Variants in ROBO1 observed in about 807,000 individuals in gnomAD.
ROBO1 encodes the protein roundabout homolog 1.
ROBO1 carries 149 observed loss-of-function variants against 195.9 expected under a neutral mutation model. The observed-to-expected ratio is 0.76, with a 90% CI of 0.67 to 0.87. ROBO1 has a LOEUF of 0.87. ROBO1 is among the 40% of genes least tolerant of loss of function. The pLI, the probability that ROBO1 is intolerant of heterozygous loss-of-function variation, is 0.00. For missense variants in ROBO1, 1,933 were observed against 2,068.3 expected, an observed-to-expected ratio of 0.93 and a Z score of 1.27; for synonymous variants, 816 against 733.2, an observed-to-expected ratio of 1.11 and a Z score of -1.82.
At chr3:79,194,902 C>T (rs1192856869) in intron 2 of ROBO1, among the ~76,000 whole-genome samples, 1 of 151,492 alleles carries the variant, frequency 6.6e-6, no homozygotes, top group East Asian at 1.9e-4. Context: ...GTTTAATATG[C>T]TGAGTTATGA....
chr3:78,892,476 T>C lies in ROBO1; in HGVS notation c.499+46125A>G, dbSNP rs80274743. On this transcript the variant is annotated intron_variant, in intron 4 of 30. Transcript: ENST00000464233. ...AGTGATGTAATCACTGTAAGCAGCA[T>C]CTGAAATGGAAATAATATATGCTGC... Among the ~76,000 whole-genome samples the C allele has an allele frequency of 2.1e-3, 318 of 152,314 alleles. 1 individual carries two copies. The highest frequency in any genetic ancestry group is 7.3e-3 in the African/African-American group (302 of 41,568).
intron 1 of ROBO1, among the ~76,000 whole-genome samples, chr3:79,610,013 T>C (rs1003163943): frequency 1.3e-5 from 2 of 152,114 alleles, no homozygotes; most frequent in Non-Finnish European, 2.9e-5. Context: ...TTATGTTATA[T>C]ATATTTTATC....
At chr3:79,588,840 T>C (rs1943909224) in intron 2 of ROBO1, among the ~76,000 whole-genome samples, 1 of 151,734 alleles carries the variant, frequency 6.6e-6, no homozygotes, top group South Asian at 2.1e-4. Flanking sequence ...TTAACAGATA[T>C]ATAAATCATT....
chr3:78,723,920 C>G (rs1178567149), intron 5 of ROBO1, among the ~76,000 whole-genome samples: 1 of 152,034 alleles, frequency 6.6e-6, no homozygotes, highest in East Asian at 1.9e-4. Flanking sequence ...GTATACTCTC[C>G]CGCATAAATT....
chr3:78,635,046 C>T (rs1171020102), intron 23 of ROBO1, among the ~76,000 whole-genome samples: 1 of 152,072 alleles, frequency 6.6e-6, no homozygotes, highest in Non-Finnish European at 1.5e-5. Context: ...AGAGGTATAA[C>T]TTTGCAAATC....
chr3:78,894,444 G>T (rs2037111624), intron 4 of ROBO1, among the ~76,000 whole-genome samples: 1 of 152,042 alleles, frequency 6.6e-6, no homozygotes, highest in Admixed American at 6.6e-5. Context: ...TTAGATAAAA[G>T]ATACACTAAT....
chr3:78,969,821 T>C (rs1187542129), intron 3 of ROBO1, among the ~76,000 whole-genome samples: 2 of 152,140 alleles, frequency 1.3e-5, no homozygotes, highest in African/African-American at 4.8e-5. Flanking sequence ...CACATCAAAC[T>C]AAAAATAAAC....
chr3:79,463,637 G>A (rs1013335857), intron 2 of ROBO1, among the ~76,000 whole-genome samples: 1 of 152,058 alleles, frequency 6.6e-6, no homozygotes, highest in Non-Finnish European at 1.5e-5. Flanking sequence ...TCTGCTAACC[G>A]AAAAAGATGG....
intron 2 of ROBO1, among the ~76,000 whole-genome samples, chr3:79,213,305 A>C (rs575389734): frequency 6.6e-6 from 1 of 152,232 alleles, no homozygotes; most frequent in Non-Finnish European, 1.5e-5. Flanking sequence ...GCATATTGTG[A>C]ACATATCCAC....
chr3:78,935,498 A>G (rs573891352), intron 4 of ROBO1, among the ~76,000 whole-genome samples: 9 of 152,206 alleles, frequency 5.9e-5, no homozygotes, highest in Middle Eastern at 3.4e-3. Context: ...TGTGTTATCA[A>G]TTTGTGACAG....
At chr3:78,821,109 C>T (rs2030866172) in intron 4 of ROBO1, among the ~76,000 whole-genome samples, 2 of 149,994 alleles carry the variant, frequency 1.3e-5, no homozygotes, top group South Asian at 4.2e-4. Flanking sequence ...GGTGAAACTT[C>T]AAATTCTATT....
chr3:78,624,110 G>C (rs746088953), intron 26 of ROBO1, among the ~76,000 whole-genome samples: 1 of 152,062 alleles, frequency 6.6e-6, no homozygotes, highest in Admixed American at 6.6e-5. Flanking sequence ...AGATAACAAC[G>C]TGAAAAAATG....
At chr3:79,676,984 A>G (rs1175810149) in intron 1 of ROBO1, among the ~76,000 whole-genome samples, 1 of 151,996 alleles carries the variant, frequency 6.6e-6, no homozygotes, top group East Asian at 2.0e-4. Flanking sequence ...GATTGGGTAG[A>G]TATTTTTTCA....
intron 2 of ROBO1, among the ~76,000 whole-genome samples, chr3:79,366,395 T>C (rs892224073): frequency 3.3e-5 from 5 of 152,142 alleles, no homozygotes; most frequent in African/African-American, 1.2e-4. Flanking sequence ...ACCATGAAAC[T>C]ACTTAAAAGA....
chr3:79,338,707 T>TA (rs201460254), intron 2 of ROBO1, among the ~76,000 whole-genome samples: 15 of 151,600 alleles, frequency 9.9e-5, no homozygotes, highest in Middle Eastern at 3.4e-3. Flanking sequence ...TCTCAAATTC[T>TA]AAAAAAAAAC....
chr3:79,303,159 G>GTTTTTTTTTTTTT (rs368110549), intron 2 of ROBO1, among the ~76,000 whole-genome samples: 1 of 72,090 alleles, frequency 1.4e-5, no homozygotes. Flanking sequence ...ATCTCACATA[G>GTTTTTTTTTTTTT]GTTTTTTTTT....
intron 4 of ROBO1, among the ~76,000 whole-genome samples, chr3:78,908,477 T>C (rs927964649): frequency 2.6e-5 from 4 of 151,922 alleles, no homozygotes; most frequent in African/African-American, 9.7e-5. Flanking sequence ...AGATTACCAA[T>C]CAGTCTGAGT....
At chr3:79,692,282 A>G (rs1376896948) in intron 1 of ROBO1, among the ~76,000 whole-genome samples, 1 of 151,896 alleles carries the variant, frequency 6.6e-6, no homozygotes, top group Non-Finnish European at 1.5e-5. Context: ...CAGGCTTTAT[A>G]GGACCATGTT....
chr3:79,044,125 C>CT (rs1410812422), intron 3 of ROBO1, among the ~76,000 whole-genome samples: 1 of 25,736 alleles, frequency 3.9e-5, no homozygotes. Flanking sequence ...AGTTGATGAG[C>CT]TAAAAAAAAA....
Sources: allele counts gnomAD v4.1 joint callset (sites outside exome capture counted in the v4.1 genomes callset), GRCh38; gene constraint gnomAD v4.1.1; transcripts MANE v1.5; gene names NCBI Gene and HGNC (gene_info 2026-07-23, HGNC 2026-07-21).